Variants in SCUBE3 observed in about 807,000 individuals in gnomAD.
SCUBE3 encodes signal peptide, CUB and EGF-like domain-containing protein 3.
Under a neutral mutation model 116.8 loss-of-function variants are expected in SCUBE3, and 33 were observed. That is an observed-to-expected ratio of 0.28 (90% CI 0.21 to 0.38). The LOEUF (loss-of-function observed/expected upper bound fraction) is 0.38. Ranked by LOEUF, SCUBE3 falls within the 10% of genes least tolerant of loss-of-function variation. The pLI is 1.00. For missense variants in SCUBE3, 1,007 were observed against 1,324.8 expected (o/e 0.76, Z 3.72); for synonymous variants, 418 against 496.9 (o/e 0.84, Z 2.11).
At chr6:35,217,504 GCAAA>G (rs1186793496) in intron 1 of SCUBE3, among the ~76,000 whole-genome samples, 1 of 150,968 alleles carries the variant, frequency 6.6e-6, no homozygotes, top group Admixed American at 6.6e-5. Context: ...TCATGTGGTG[GCAAA>G]CAGTGTCTCT....
rs1235802166 is a variant in SCUBE3 at position 35,245,155 on chromosome 6, TC to T, written c.2402-72del. 3 of 1,391,340 alleles carry T rather than the reference TC, an allele frequency of 2.2e-6. No individual in the cohort carries two copies. Among genetic ancestry groups the T allele is most frequent in the Non-Finnish European group, 3.1e-6 (3 of 981,690 alleles). 86.2% of individuals were successfully genotyped at this position (1,391,340 alleles called of 1,614,324 possible). ...TGTCTGACCTCTACTTCAGAACTCT[TC>T]AATTCCCCCAGCACACTTCCCCACT... On this transcript the variant is annotated intron_variant, in intron 18 of 21. Coordinates refer to ENST00000274938, the MANE Select transcript of SCUBE3 (RefSeq NM_152753.4). This position sits in a 1 kb window ranked among gnomAD's most constrained non-coding sequence, Gnocchi z 4.2.
chr6:35,238,102 A>T (rs1041722073), intron 7 of SCUBE3, 84 bp downstream of exon 7: 5 of 739,116 alleles, frequency 6.8e-6, no homozygotes, highest in Non-Finnish European at 1.2e-5. Flanking sequence ...CTATTAGGGG[A>T]TGACACCTCC....
At chr6:35,218,632 T>A (rs914742358) in intron 1 of SCUBE3, among the ~76,000 whole-genome samples, 1 of 152,102 alleles carries the variant, frequency 6.6e-6, no homozygotes, top group Non-Finnish European at 1.5e-5. Flanking sequence ...TTCTTCAGGC[T>A]CAGAAGACTG....
In SCUBE3 at chr6:35,252,654, T is replaced by G. The variant is rs1239230415; in HGVS notation, c.*3949T>G. On this transcript the variant is annotated 3_prime_UTR_variant, in exon 22 of 22. Coordinates refer to ENST00000274938, the MANE Select transcript of SCUBE3 (RefSeq NM_152753.4). ...GAACAACACAAGGATATTTTTACAT[T>G]TGACCCGTCTCAAAAGTAGCACACC... The G allele has an allele frequency of 6.6e-6, 1 of 152,122 alleles. No homozygotes were observed. Among genetic ancestry groups the G allele is most frequent in the Admixed American group, 6.5e-5 (1 of 15,282 alleles). The allele number at this position is 152,122 out of a possible 1,614,324, so 9.4% of individuals were successfully genotyped here. A position where few individuals can be genotyped will look rare whatever the true frequency, so the allele number is the denominator to read the frequency against.
intron 1 of SCUBE3, among the ~76,000 whole-genome samples, chr6:35,217,511 G>A (rs1446313379): frequency 1.3e-5 from 2 of 151,518 alleles, no homozygotes; most frequent in Non-Finnish European, 2.9e-5. Flanking sequence ...GTGGCAAACA[G>A]TGTCTCTCTG....
At position 35,214,254 on chromosome 6, in the gene SCUBE3, C is replaced by CGCGCCGAGG. The variant is rs1175858308; in HGVS notation, c.-158_-150dup. The stretch of plus-strand genomic sequence containing the variant: ...GAGGAGCCGGTAGCATCGGGAGCCT[C>CGCGCCGAGG]GCGCCGAGGGCGCCGCGGTCCGCGC... On this transcript the variant is annotated 5_prime_UTR_variant, in exon 1 of 22. Transcript: ENST00000274938. The surrounding 1 kb of genome is among the most constrained non-coding windows in gnomAD (Gnocchi z 6.3). Among the ~76,000 whole-genome samples, 2 of 152,096 alleles carry CGCGCCGAGG rather than the reference C, an allele frequency of 1.3e-5. No individual in the cohort carries two copies. The highest frequency in any genetic ancestry group is 4.8e-5 in the African/African-American group (2 of 41,438).
chr6:35,226,207 A>G (rs1207661200), intron 1 of SCUBE3, among the ~76,000 whole-genome samples: 1 of 152,154 alleles, frequency 6.6e-6, no homozygotes, highest in Non-Finnish European at 1.5e-5. Context: ...TGGCTTGGAC[A>G]TCTCCTAGGA....
chr6:35,243,789 G>C lies in SCUBE3; in HGVS notation c.2071+34G>C. 1 of 1,604,298 alleles carries C rather than the reference G, an allele frequency of 6.2e-7. No individual in the cohort carries two copies. Among genetic ancestry groups the C allele is most frequent in the Non-Finnish European group, 8.5e-7 (1 of 1,172,356 alleles). ...GGAACAAACAATACAGAGTGGGGTA[G>C]GGTGGGCACTGGGATGCCCATGGGC... On this transcript the variant is annotated intron_variant, in intron 16 of 21. Coordinates refer to ENST00000274938, the MANE Select transcript of SCUBE3 (RefSeq NM_152753.4). This position sits in a 1 kb window ranked among gnomAD's most constrained non-coding sequence, Gnocchi z 6.6.
At position 35,235,640 on chromosome 6, in the gene SCUBE3, C is replaced by T. The variant is rs1291478878; in HGVS notation, c.713-2262C>T. 2.5e-6 allele frequency: 1 copy of T among 392,402 alleles called. No individual in the cohort carries two copies. The highest frequency in any genetic ancestry group is 4.9e-6 in the Non-Finnish European group (1 of 204,054). 24.3% of individuals were successfully genotyped at this position (392,402 alleles called of 1,614,324 possible). A position where few individuals can be genotyped will look rare whatever the true frequency, so the allele number is the denominator to read the frequency against. ...CAGGGCTATCCTGGCAGCCAGGGCACTGGGCCCATTGGGTGACAAGAAACC... is the reference window on the plus strand; with the variant it reads ...CAGGGCTATCCTGGCAGCCAGGGCATTGGGCCCATTGGGTGACAAGAAACC... On this transcript the variant is annotated intron_variant, in intron 6 of 21. Transcript: ENST00000274938. This position sits in a 1 kb window ranked among gnomAD's most constrained non-coding sequence, Gnocchi z 4.5.
rs775057571 is a variant in SCUBE3, at chr6:35,241,866, G to A, written c.1373G>A (p.Arg458Gln). ...GTPSPRAAPA[R>Q]AGHNGNSTNS... ...CCCAGCCCCAGGGCTGCTCCAGCCC[G>A]AGCTGGCCACAATGGGAACAGCACC... The change falls in exon 12 of 22, where the codon CGA becomes CAA. Residue 458 changes from arginine (R) to glutamine (Q), a missense_variant. By Grantham distance (43) the Arg-to-Gln change is conservative (BLOSUM62 1). Coordinates refer to ENST00000274938, the MANE Select transcript of SCUBE3 (RefSeq NM_152753.4). The surrounding 1 kb of genome is among the most constrained non-coding windows in gnomAD (Gnocchi z 4.1). 3 of 1,612,092 alleles carry A rather than the reference G, an allele frequency of 1.9e-6. No homozygotes were observed. Among genetic ancestry groups the A allele is most frequent in the Admixed American group, 3.3e-5 (2 of 60,030 alleles).
rs750539871 is a variant in SCUBE3, at chr6:35,240,351, G to T, written c.953-23G>T. 2 of 1,433,376 alleles carry T rather than the reference G, an allele frequency of 1.4e-6. No individual in the cohort carries two copies. The highest frequency in any genetic ancestry group is 4.7e-5 in the East Asian group (2 of 42,886). The allele number at this position is 1,433,376 out of a possible 1,614,324, so 88.8% of individuals were successfully genotyped here. A position where few individuals can be genotyped will look rare whatever the true frequency, so the allele number is the denominator to read the frequency against. Reference sequence around the variant, plus strand: ...TCAAGTGCTCCAAGACAGATTCAGTGGCTTGAATCTTTGCTCTTCCAGATA... The same window carrying T: ...TCAAGTGCTCCAAGACAGATTCAGTTGCTTGAATCTTTGCTCTTCCAGATA... On this transcript the variant is annotated intron_variant, in intron 8 of 21. Transcript: ENST00000274938. The surrounding 1 kb of genome is among the most constrained non-coding windows in gnomAD (Gnocchi z 4.6).
chr6:35,232,323 T>C lies in SCUBE3; in HGVS notation c.469+464T>C, dbSNP rs1188498207. On this transcript the variant is annotated intron_variant, in intron 4 of 21. Transcript: ENST00000274938. The surrounding 1 kb of genome is among the most constrained non-coding windows in gnomAD (Gnocchi z 4.2). ...GGCAGGGACTATGTCTAACTCATTG[T>C]TGTATCCCCAGCACCTAACATACTG... Among the ~76,000 whole-genome samples, 2 of 152,234 alleles carry C rather than the reference T, an allele frequency of 1.3e-5. No homozygotes were observed. The highest frequency in any genetic ancestry group is 6.5e-5 in the Admixed American group (1 of 15,286).
chr6:35,228,816 G>A lies in SCUBE3; in HGVS notation c.334+77G>A. ...TCTTTTCAGCATTTCCTATTTCCCAGGGAAGGAGGAGAGAGTGATCAAGAA... is the reference window on the plus strand; with the variant it reads ...TCTTTTCAGCATTTCCTATTTCCCAAGGAAGGAGGAGAGAGTGATCAAGAA... On this transcript the variant is annotated intron_variant, in intron 3 of 21. Transcript: ENST00000274938. The surrounding 1 kb of genome is among the most constrained non-coding windows in gnomAD (Gnocchi z 4.9). 1 of 1,481,998 alleles carries A rather than the reference G, an allele frequency of 6.7e-7. No individual in the cohort carries two copies. The highest frequency in any genetic ancestry group is 9.4e-7 in the Non-Finnish European group (1 of 1,064,202). 91.8% of individuals were successfully genotyped at this position (1,481,998 alleles called of 1,614,324 possible).
chr6:35,234,691 G>T (rs754616261), intron 6 of SCUBE3, among the ~76,000 whole-genome samples: 2 of 152,194 alleles, frequency 1.3e-5, no homozygotes. Context: ...TCTCTCAAAA[G>T]AAATTGTTTG....
rs1383427854 is a variant in SCUBE3, at chr6:35,239,884, C to T, written c.952+10C>T. On this transcript the variant is annotated intron_variant, in intron 8 of 21. Transcript: ENST00000274938. The surrounding 1 kb of genome is among the most constrained non-coding windows in gnomAD (Gnocchi z 4.1). ...GAGAGGAACTGCCAGGGTGAGCAGACTCAGCCAAAGGTGAAAGCCTTAGGA... is the reference window on the plus strand; with the variant it reads ...GAGAGGAACTGCCAGGGTGAGCAGATTCAGCCAAAGGTGAAAGCCTTAGGA... The T allele has an allele frequency of 1.3e-6, 2 of 1,592,990 alleles. No homozygotes were observed. Among genetic ancestry groups the T allele is most frequent in the Non-Finnish European group, 1.7e-6 (2 of 1,172,928 alleles).
At position 35,245,161 on chromosome 6, in the gene SCUBE3, C is replaced by A; in HGVS notation, c.2402-67C>A. ...ACCTCTACTTCAGAACTCTTCAATT[C>A]CCCCAGCACACTTCCCCACTGACTT... is the stretch of plus-strand genomic sequence containing the variant. On this transcript the variant is annotated intron_variant, in intron 18 of 21. Coordinates refer to ENST00000274938, the MANE Select transcript of SCUBE3 (RefSeq NM_152753.4). The surrounding 1 kb of genome is among the most constrained non-coding windows in gnomAD (Gnocchi z 4.2). 1.4e-6 allele frequency: 2 copies of A among 1,420,664 alleles called. No individual in the cohort carries two copies. The highest frequency in any genetic ancestry group is 2.0e-6 in the Non-Finnish European group (2 of 1,007,472). The allele number at this position is 1,420,664 out of a possible 1,614,324, so 88.0% of individuals were successfully genotyped here. A position where few individuals can be genotyped will look rare whatever the true frequency, so the allele number is the denominator to read the frequency against.
Position 35,244,939 on chromosome 6 carries a change from C to T in SCUBE3, c.2401+128C>T. ...GGAGGAGCAGGAAAACTCCACCTTC[C>T]ACCTCTCCCCAACTCACTCAATCTC... On this transcript the variant is annotated intron_variant, in intron 18 of 21. Coordinates refer to ENST00000274938, the MANE Select transcript of SCUBE3 (RefSeq NM_152753.4). This position sits in a 1 kb window ranked among gnomAD's most constrained non-coding sequence, Gnocchi z 4.3. 1 of 906,702 alleles carries T rather than the reference C, an allele frequency of 1.1e-6. No homozygotes were observed. The highest frequency in any genetic ancestry group is 2.5e-5 in the East Asian group (1 of 40,444). The allele number at this position is 906,702 out of a possible 1,614,324, so 56.2% of individuals were successfully genotyped here.
At position 35,227,638 on chromosome 6, in the gene SCUBE3, C is replaced by G. The variant is rs1366868238; in HGVS notation, c.144C>G (p.Asn48Lys). The G allele has an allele frequency of 1.2e-6, 2 of 1,613,988 alleles. No homozygotes were observed. Among genetic ancestry groups the G allele is most frequent in the Non-Finnish European group, 1.7e-6 (2 of 1,179,960 alleles). The change falls in exon 2 of 22, where the codon AAC becomes AAG. Residue 48 changes from asparagine (N) to lysine (K), a missense_variant. By Grantham distance (94) the Asn-to-Lys change is moderately conservative (BLOSUM62 0). Coordinates refer to ENST00000274938, the MANE Select transcript of SCUBE3 (RefSeq NM_152753.4). ...DNCHIDAICQ[N>K]TPRSYKCICK... is the part of the protein sequence containing the mutation. ...GCCACATCGATGCTATCTGCCAGAACACCCCGAGGTCATACAAGTGCATCT... is the reference window on the plus strand; with the variant it reads ...GCCACATCGATGCTATCTGCCAGAAGACCCCGAGGTCATACAAGTGCATCT...
rs2150310666 is a variant in SCUBE3 at position 35,241,754 on chromosome 6, C to A, written c.1313-52C>A. On this transcript the variant is annotated intron_variant, in intron 11 of 21. Coordinates refer to ENST00000274938, the MANE Select transcript of SCUBE3 (RefSeq NM_152753.4). The surrounding 1 kb of genome is among the most constrained non-coding windows in gnomAD (Gnocchi z 4.1). ...CTTCATTCCCCCTGGATTCCTCCAGCCAGCGGGGGTTGGGAAGGCAGGTCA... is the reference window on the plus strand; with the variant it reads ...CTTCATTCCCCCTGGATTCCTCCAGACAGCGGGGGTTGGGAAGGCAGGTCA... 6.5e-7 allele frequency: 1 copy of A among 1,531,518 alleles called. No homozygotes were observed. Among genetic ancestry groups the A allele is most frequent in the Non-Finnish European group, 9.1e-7 (1 of 1,104,664 alleles). The allele number at this position is 1,531,518 out of a possible 1,614,324, so 94.9% of individuals were successfully genotyped here.
Sources: gnomAD v4.1 joint callset for allele counts (sites outside exome capture counted in the v4.1 genomes callset) on GRCh38, gnomAD v4.1.1 for gene constraint, Gnocchi (gnomAD v3.1) non-coding constraint, MANE v1.5 for transcripts, NCBI Gene and HGNC (gene_info 2026-07-23, HGNC 2026-07-21) for gene names.